KAT5: variants seen among roughly 807,000 people sequenced by gnomAD.
The protein encoded by KAT5 is lysine acetyltransferase 5.
KAT5 carries 31 observed loss-of-function variants against 68.1 expected under a neutral mutation model. That is an observed-to-expected ratio of 0.46 (90% CI 0.34 to 0.61). The LOEUF is 0.61. KAT5 is among the 20% of genes least tolerant of loss of function. The pLI is 0.01. For synonymous variants in KAT5, 365 were observed against 292.6 expected, an observed-to-expected ratio of 1.25 and a Z score of -2.52; for missense variants, 451 against 725.5, an observed-to-expected ratio of 0.62 and a Z score of 4.35.
In KAT5 at chr11:65,714,889, G is replaced by A; in HGVS notation, c.1008G>A (p.Glu336=). The change falls in exon 8 of 13, where the codon GAG becomes GAA. Residue 336 remains glutamate (E), a synonymous_variant. Coordinates refer to ENST00000341318, the MANE Select transcript of KAT5 (RefSeq NM_182710.3). ...GCAAGGGCACCATCTCCTTCTTTGAGATTGATGGACGTAAGAACAAGGTTA... is the reference window on the plus strand; with the variant it reads ...GCAAGGGCACCATCTCCTTCTTTGAAATTGATGGACGTAAGAACAAGGTTA... The part of the protein sequence containing the change: ...IYRKGTISFF[E]IDGRKNKSYS... The A allele has an allele frequency of 1.9e-6, 3 of 1,614,212 alleles. No homozygotes were observed. Among genetic ancestry groups the A allele is most frequent in the East Asian group, 2.2e-5 (1 of 44,890 alleles).
rs1857325080 is a variant in KAT5, at chr11:65,719,508, T to A, written c.*327T>A. The A allele has an allele frequency of 4.9e-6, 3 of 611,692 alleles. No homozygotes were observed. The highest frequency in any genetic ancestry group is 8.6e-6 in the Non-Finnish European group (3 of 347,654). 37.9% of individuals were successfully genotyped at this position (611,692 alleles called of 1,614,324 possible). ...CTGGTGATTGTAAAAATTTCTTTTG[T>A]AAAGTAGAAGTTGGGGGTGGGGTGG... On this transcript the variant is annotated 3_prime_UTR_variant, in exon 13 of 13. Transcript: ENST00000341318.
At position 65,712,995 on chromosome 11, in the gene KAT5, G is replaced by A. The variant is rs768832492; in HGVS notation, c.321G>A (p.Glu107=). 2.5e-6 allele frequency: 4 copies of A among 1,614,032 alleles called. No individual in the cohort carries two copies. The highest frequency in any genetic ancestry group is 1.7e-6 in the Non-Finnish European group (2 of 1,180,022). ...AGAAGATCCAGTTCCCCAAGAAAGA[G>A]GCCAAGACCCCCACTAAGAACGGAC... The part of the protein sequence containing the change: ...DLKKIQFPKK[E]AKTPTKNGLP... Residue 107 remains glutamate (E), a synonymous_variant, in exon 3 of 13, where the codon GAG becomes GAA. Coordinates refer to ENST00000341318, the MANE Select transcript of KAT5 (RefSeq NM_182710.3).
In KAT5 at chr11:65,716,914, A is replaced by G; in HGVS notation, c.1196A>G (p.Asn399Ser). ...GAGAAAGAATCAACGGAAGACTACA[A>G]TGTGGCCTGCATCCTAACCCTGCCT... ...SKEKESTEDY[N>S]VACILTLPPY... Residue 399 changes from asparagine to serine, a missense_variant, in exon 10 of 13, where the codon AAT (asparagine) becomes AGT (serine). Physicochemically the swap from Asn to Ser is conservative, Grantham distance 46. Coordinates refer to ENST00000341318, the MANE Select transcript of KAT5 (RefSeq NM_182710.3). 6.2e-7 allele frequency: 1 copy of G among 1,614,102 alleles called. No individual in the cohort carries two copies. Among genetic ancestry groups the G allele is most frequent in the Non-Finnish European group, 8.5e-7 (1 of 1,179,970 alleles).
At chr11:65,717,240 C>T in intron 10 of KAT5, 1 of 566,908 alleles carries the variant, frequency 1.8e-6, no homozygotes, top group Middle Eastern at 4.7e-4. Flanking sequence ...CCAAATCTGA[C>T]TTACGTGCTC....
At chr11:65,713,080 C>G (rs1401426171) in intron 3 of KAT5, 22 bp downstream of exon 3, 2 of 1,611,930 alleles carry the variant, frequency 1.2e-6, no homozygotes, top group Middle Eastern at 2.2e-4. Flanking sequence ...CCCCACTTCA[C>G]CTTTTCTCTC....
rs1423957493 is a variant in KAT5 at position 65,713,051 on chromosome 11, G to T, written c.377G>T (p.Arg126Ile). ...GGGTCCCGTCCTGGCTCTCCAGAGA[G>T]AGAGGTGGTGAGTAGGTCCCCCACT... ...LPGSRPGSPEREVPASAQASG... is the reference protein window; with the variant it reads ...LPGSRPGSPEIEVPASAQASG... The change falls in exon 3 of 13, where the codon AGA becomes ATA. Residue 126 changes from arginine to isoleucine, a missense_variant. Around this residue, in one of 4 missense-constraint regions of KAT5, gnomAD observed 135 missense variants for 173.4 expected, o/e 0.78. Transcript: ENST00000341318. The T allele has an allele frequency of 1.9e-6, 3 of 1,612,902 alleles. No individual in the cohort carries two copies. The highest frequency in any genetic ancestry group is 2.5e-6 in the Non-Finnish European group (3 of 1,180,012).
intron 10 of KAT5, 142 bp from the exon 11 acceptor site, chr11:65,718,448 C>T: frequency 1.3e-6 from 1 of 787,920 alleles, no homozygotes; most frequent in East Asian, 2.5e-5. Flanking sequence ...AACTGAGGCA[C>T]AGAGAAGTGG....
chr11:65,716,335 C>T lies in KAT5; in HGVS notation c.1030-332C>T, dbSNP rs998791585. The T allele has an allele frequency of 4.6e-5, 13 of 282,914 alleles. No homozygotes were observed. In the South Asian group the frequency reaches 5.1e-4, roughly 11 times the overall value. The allele number at this position is 282,914 out of a possible 1,614,324, so 17.5% of individuals were successfully genotyped here. A position where few individuals can be genotyped will look rare whatever the true frequency, so the allele number is the denominator to read the frequency against. The stretch of plus-strand genomic sequence containing the variant: ...GAGTCTCACTTTGGACACATTAGTT[C>T]GTTGGCTGCTGTTAAAAAACATTAA... On this transcript the variant is annotated intron_variant, in intron 8 of 12. Coordinates refer to ENST00000341318, the MANE Select transcript of KAT5 (RefSeq NM_182710.3).
chr11:65,713,936 TAAAG>T (rs367724007), intron 6 of KAT5, 88 bp downstream of exon 6: 274 of 1,213,588 alleles, frequency 2.3e-4, no homozygotes, highest in Non-Finnish European at 2.9e-4. Context: ...AGTTTAAAAA[TAAAG>T]AAGGGGTGGT....
rs553588147 is a variant in KAT5, at chr11:65,713,013, G to A, written c.339G>A (p.Lys113=). 3.0e-5 allele frequency: 49 copies of A among 1,613,790 alleles called. No homozygotes were observed. Among genetic ancestry groups the A allele is most frequent in the Non-Finnish European group, 3.9e-5 (46 of 1,180,036 alleles). ...AGAAAGAGGCCAAGACCCCCACTAA[G>A]AACGGACTTCCTGGGTCCCGTCCTG... The part of the protein sequence containing the change: ...FPKKEAKTPT[K]NGLPGSRPGS... The change falls in exon 3 of 13, where the codon AAG becomes AAA. Residue 113 remains lysine (K), a synonymous_variant. Transcript: ENST00000341318.
rs1244723209 is a variant in KAT5 at position 65,713,499 on chromosome 11, C to T, written c.536C>T (p.Ser179Leu). Reference sequence around the variant, plus strand: ...TCCTGCCTGCAGCCCAACCACCGCTCAACGGTACCCTCAGCAATTCCAGGG... The same window carrying T: ...TCCTGCCTGCAGCCCAACCACCGCTTAACGGTACCCTCAGCAATTCCAGGG... ...SSSCLQPNHR[S>L]TKRKVEVVSP... The change falls in exon 4 of 13, where the codon TCA becomes TTA. Residue 179 changes from serine (S) to leucine (L), a missense_variant. Around this residue, in one of 4 missense-constraint regions of KAT5, gnomAD observed 135 missense variants for 173.4 expected, o/e 0.78. Transcript: ENST00000341318. 1 of 1,614,218 alleles carries T rather than the reference C, an allele frequency of 6.2e-7. No homozygotes were observed.
chr11:65,716,415 G>C (rs1857196950), intron 8 of KAT5: 1 of 530,068 alleles, frequency 1.9e-6, no homozygotes, highest in African/African-American at 1.9e-5. Flanking sequence ...GAGCAAGGCG[G>C]GAAACTTGCC....
chr11:65,718,818 G>T, intron 11 of KAT5, 55 bp from the exon 12 acceptor site: 18 of 1,613,620 alleles, frequency 1.1e-5, no homozygotes, highest in Non-Finnish European at 1.5e-5. Context: ...TCTCTCTCAG[G>T]GCTCCTGGGG....
chr11:65,715,599 A>G (rs1240782990), intron 8 of KAT5, among the ~76,000 whole-genome samples: 3 of 151,792 alleles, frequency 2.0e-5, no homozygotes, highest in African/African-American at 7.3e-5. Context: ...TCTCTACTAA[A>G]AAGTACAAAA....
chr11:65,717,043 T>A (rs1857220486), intron 10 of KAT5, 61 bp downstream of exon 10: 2 of 1,268,162 alleles, frequency 1.6e-6, no homozygotes, highest in Non-Finnish European at 2.3e-6. Flanking sequence ...CACAGGCAGA[T>A]GGGCCAGGCT....
Position 65,718,594 on chromosome 11 carries a change from T to C in KAT5, c.1269T>C (p.Tyr423=), listed in dbSNP as rs1590969807. 6.2e-7 allele frequency: 1 copy of C among 1,614,152 alleles called. No individual in the cohort carries two copies. The highest frequency in any genetic ancestry group is 8.5e-7 in the Non-Finnish European group (1 of 1,179,990). ...GYGKLLIEFS[Y]ELSKVEGKTG... The stretch of plus-strand genomic sequence containing the variant: ...TCTCCTGCTCCATTGCTTTAGGCTA[T>C]GAACTCTCCAAAGTGGAAGGGAAAA... Residue 423 remains tyrosine (Y), a synonymous_variant, in exon 11 of 13, where the codon TAT becomes TAC. Coordinates refer to ENST00000341318, the MANE Select transcript of KAT5 (RefSeq NM_182710.3).
Position 65,714,900 on chromosome 11 carries a change from G to C in KAT5, c.1019G>C (p.Arg340Pro). 6.2e-7 allele frequency: 1 copy of C among 1,613,888 alleles called. No individual in the cohort carries two copies. The highest frequency in any genetic ancestry group is 8.5e-7 in the Non-Finnish European group (1 of 1,179,730). The change falls in exon 8 of 13, where the codon CGT (arginine) becomes CCT (proline). Residue 340 changes from arginine to proline, a missense_variant. By Grantham distance (103) the Arg-to-Pro change is moderately radical. Around this residue, in one of 4 missense-constraint regions of KAT5, gnomAD observed 210 missense variants for 423.7 expected, o/e 0.50. Coordinates refer to ENST00000341318, the MANE Select transcript of KAT5 (RefSeq NM_182710.3). Reference sequence around the variant, plus strand: ...ATCTCCTTCTTTGAGATTGATGGACGTAAGAACAAGGTTAGTGCTTGAGAG... The same window carrying C: ...ATCTCCTTCTTTGAGATTGATGGACCTAAGAACAAGGTTAGTGCTTGAGAG... Reference protein sequence around the residue: ...GTISFFEIDGRKNKSYSQNLC... With the variant: ...GTISFFEIDGPKNKSYSQNLC...
At chr11:65,716,215 T>G in intron 8 of KAT5, 1 of 167,358 alleles carries the variant, frequency 6.0e-6, no homozygotes, top group Non-Finnish European at 1.3e-5. Flanking sequence ...TGTAGAATGT[T>G]AGGTTTTTTA....
rs1857094071 is a variant in KAT5 at position 65,713,460 on chromosome 11, C to T, written c.497C>T (p.Pro166Leu). The T allele has an allele frequency of 9.3e-6, 15 of 1,614,198 alleles. No individual in the cohort carries two copies. Among genetic ancestry groups the T allele is most frequent in the South Asian group, 5.5e-5 (5 of 91,080 alleles). The change falls in exon 4 of 13, where the codon CCG (proline) becomes CTG (leucine). Residue 166 changes from proline to leucine, a missense_variant. Physicochemically the swap from Pro to Leu is moderately conservative, Grantham distance 98. Transcript: ENST00000341318. ...EAIPGGEPDQPLSSSSCLQPN... is the reference protein window; with the variant it reads ...EAIPGGEPDQLLSSSSCLQPN... ...ATTCCCGGTGGCGAGCCTGACCAGC[C>T]GCTCTCCTCCAGCTCCTGCCTGCAG...
Sources: allele counts gnomAD v4.1 joint callset (sites outside exome capture counted in the v4.1 genomes callset), GRCh38; gene constraint gnomAD v4.1.1; regional missense constraint gnomAD v4.1.1; transcripts MANE v1.5; gene names NCBI Gene and HGNC (gene_info 2026-07-23, HGNC 2026-07-21).